Variants in GSTO2 observed in about 807,000 individuals in gnomAD.
The protein encoded by GSTO2 is glutathione S-transferase omega-2.
In GSTO2, 23 loss-of-function variants were observed where a neutral mutation model predicts 28.4. The observed-to-expected ratio is 0.81, with a 90% CI of 0.58 to 1.15. The LOEUF (loss-of-function observed/expected upper bound fraction) is 1.15, where lower values mean the gene tolerates loss of function less well. GSTO2 is among the 50% of genes most tolerant of loss of function. The pLI is 0.00. For missense variants in GSTO2, 298 were observed against 297.8 expected, an observed-to-expected ratio of 1.00 and a Z score of 0.00; for synonymous variants, 109 against 111.0, an observed-to-expected ratio of 0.98 and a Z score of 0.11.
rs568908866 is a variant in GSTO2, at chr10:104,279,484, G to A, written c.468+13G>A. On this transcript the variant is annotated intron_variant, in intron 5 of 6. Transcript: ENST00000338595. ...CAACCTGGAAGAGGTACAAAAAGGG[G>A]TCCCTCTCCTGGTCAGCTACAGTGG... The A allele has an allele frequency of 5.0e-6, 8 of 1,591,102 alleles. No individual in the cohort carries two copies. Among genetic ancestry groups the A allele is most frequent in the East Asian group, 2.2e-5 (1 of 44,766 alleles).
chr10:104,275,385 G>C, intron 3 of GSTO2, 51 bp downstream of exon 3: 1 of 1,560,460 alleles, frequency 6.4e-7, no homozygotes, highest in Non-Finnish European at 8.8e-7. Context: ...CCTCACAGGA[G>C]CCCGGGAATG....
At chr10:104,292,823 G>A (rs2012840542) in intron 5 of GSTO2, among the ~76,000 whole-genome samples, 1 of 152,022 alleles carries the variant, frequency 6.6e-6, no homozygotes, top group African/African-American at 2.4e-5. Context: ...AGGATGGATT[G>A]GATATTAACA....
intron 5 of GSTO2, chr10:104,288,375 A>G (rs984863959): frequency 1.3e-5 from 2 of 152,082 alleles, no homozygotes; most frequent in Non-Finnish European, 2.9e-5. Flanking sequence ...CTTAAGCTGG[A>G]CTCTCAGGAA....
rs144256507 is a variant in GSTO2, at chr10:104,300,130, G to A, written c.*846G>A. ...TGGGCCTGGAGACACCGAGGGTCTT[G>A]TGACTGGAAAGAATTCCAAAGCAGG... On this transcript the variant is annotated 3_prime_UTR_variant, in exon 7 of 7. Transcript: ENST00000338595. 1 of 152,354 alleles carries A rather than the reference G, an allele frequency of 6.6e-6. No homozygotes were observed. The highest frequency in any genetic ancestry group is 2.4e-5 in the African/African-American group (1 of 41,566). The allele number at this position is 152,354 out of a possible 1,614,324, so 9.4% of individuals were successfully genotyped here. A position where few individuals can be genotyped will look rare whatever the true frequency, so the allele number is the denominator to read the frequency against.
In GSTO2 at chr10:104,297,659, C is replaced by A; in HGVS notation, c.550C>A (p.Arg184=). 1 of 1,612,796 alleles carries A rather than the reference C, an allele frequency of 6.2e-7. No homozygotes were observed. ...TTACCTCCTCTGGCCCTGGTTTGAG[C>A]GGCTGGATGTGTATGGGATACTGGA... ...IDYLLWPWFE[R]LDVYGILDCV... Residue 184 remains arginine (R), a synonymous_variant, in exon 6 of 7, where the codon CGG becomes AGG. Transcript: ENST00000338595.
At chr10:104,278,180 A>G (rs2011761901) in intron 4 of GSTO2, 64 bp downstream of exon 4, 1 of 1,301,930 alleles carries the variant, frequency 7.7e-7, no homozygotes, top group Non-Finnish European at 1.1e-6. Flanking sequence ...CCAAACCTCA[A>G]CCCATTTTAA....
intron 5 of GSTO2, among the ~76,000 whole-genome samples, chr10:104,282,861 T>C (rs2012159293): frequency 2.0e-5 from 3 of 152,314 alleles, no homozygotes; most frequent in Middle Eastern, 3.4e-3. Context: ...CGGGCAGAGC[T>C]TAGAAGAACA....
intron 5 of GSTO2, among the ~76,000 whole-genome samples, chr10:104,292,252 C>T (rs1488008952): frequency 6.6e-6 from 1 of 150,418 alleles, no homozygotes; most frequent in Non-Finnish European, 1.5e-5. Flanking sequence ...TGTTTGTTGC[C>T]CAGGCTGGAG....
Position 104,275,153 on chromosome 10 carries a change from A to G in GSTO2, c.35-73A>G. 4.5e-6 allele frequency: 7 copies of G among 1,541,462 alleles called. No individual in the cohort carries two copies. In the Middle Eastern group the frequency reaches 1.1e-3, roughly 239 times the overall value. ...CCACAGCCATCTTGGGATCTGGGCA[A>G]GTGAGCGAGCTCCTTCCTCACCGGG... is the stretch of plus-strand genomic sequence containing the variant. On this transcript the variant is annotated intron_variant, in intron 2 of 6. Transcript: ENST00000338595.
rs1440992218 is a variant in GSTO2, at chr10:104,303,978, ATGT to A, written c.*4696_*4698del. The A allele has an allele frequency of 6.6e-6, 1 of 152,258 alleles. No homozygotes were observed. Among genetic ancestry groups the A allele is most frequent in the African/African-American group, 2.4e-5 (1 of 41,550 alleles). 9.4% of individuals were successfully genotyped at this position (152,258 alleles called of 1,614,324 possible). On this transcript the variant is annotated 3_prime_UTR_variant, in exon 7 of 7. Coordinates refer to ENST00000338595, the MANE Select transcript of GSTO2 (RefSeq NM_183239.2). The stretch of plus-strand genomic sequence containing the variant: ...TTCTCACCTTCAGGTCTCCTTACCC[ATGT>A]TTCCTTTGTCAGAGTCATTGGCCTT...
At position 104,297,600 on chromosome 10, in the gene GSTO2, C is replaced by T; in HGVS notation, c.491C>T (p.Thr164Ile). 6.2e-7 allele frequency: 1 copy of T among 1,613,164 alleles called. No individual in the cohort carries two copies. The highest frequency in any genetic ancestry group is 8.5e-7 in the Non-Finnish European group (1 of 1,179,286). ...LEEILEYQNT[T>I]FFGGTCISMI... ...TAGATTCTTGAGTATCAGAACACCACCTTCTTTGGTGGAACCTGTATATCC... is the reference window on the plus strand; with the variant it reads ...TAGATTCTTGAGTATCAGAACACCATCTTCTTTGGTGGAACCTGTATATCC... Residue 164 changes from threonine (T) to isoleucine (I), a missense_variant, in exon 6 of 7, where the codon ACC (threonine) becomes ATC (isoleucine). Transcript: ENST00000338595.
At position 104,299,700 on chromosome 10, in the gene GSTO2, TCTC is replaced by T. The variant is rs2013203601; in HGVS notation, c.*419_*421del. The T allele has an allele frequency of 5.4e-6, 1 of 184,446 alleles. No individual in the cohort carries two copies. Among genetic ancestry groups the T allele is most frequent in the Non-Finnish European group, 1.1e-5 (1 of 89,194 alleles). 11.4% of individuals were successfully genotyped at this position (184,446 alleles called of 1,614,324 possible). ...ACTATGTTGCTCAGGCTGGTCTCCA[TCTC>T]CTGGCCGCAAGCCATCCACCCAACT... On this transcript the variant is annotated 3_prime_UTR_variant, in exon 7 of 7. Transcript: ENST00000338595.
chr10:104,288,416 C>T (rs964903625), intron 5 of GSTO2: 1 of 152,186 alleles, frequency 6.6e-6, no homozygotes, highest in African/African-American at 2.4e-5. Flanking sequence ...GTATAATGAG[C>T]ACATTGGAGG....
At position 104,300,913 on chromosome 10, in the gene GSTO2, A is replaced by G. The variant is rs1424728789; in HGVS notation, c.*1629A>G. On this transcript the variant is annotated 3_prime_UTR_variant, in exon 7 of 7. Coordinates refer to ENST00000338595, the MANE Select transcript of GSTO2 (RefSeq NM_183239.2). ...TCTGGGTATATTTTGACCCATGTAAATAGTTACCAGGTGTTACTCTGTGCC... is the reference window on the plus strand; with the variant it reads ...TCTGGGTATATTTTGACCCATGTAAGTAGTTACCAGGTGTTACTCTGTGCC... The G allele has an allele frequency of 6.6e-6, 1 of 152,238 alleles. No individual in the cohort carries two copies. Among genetic ancestry groups the G allele is most frequent in the African/African-American group, 2.4e-5 (1 of 41,432 alleles). The allele number at this position is 152,238 out of a possible 1,614,324, so 9.4% of individuals were successfully genotyped here.
chr10:104,292,536 C>G (rs2012824920), intron 5 of GSTO2, among the ~76,000 whole-genome samples: 1 of 151,704 alleles, frequency 6.6e-6, no homozygotes, highest in African/African-American at 2.4e-5. Context: ...GATCACTGCT[C>G]ACTTCAGCCT....
intron 1 of GSTO2, among the ~76,000 whole-genome samples, chr10:104,272,157 C>T (rs12784102): frequency 0.029 from 4,439 of 152,106 alleles, 97 homozygotes; most frequent in South Asian, 0.11. Context: ...TGTGCATGTG[C>T]GGGGGCACAG....
rs157077 is a variant in GSTO2, at chr10:104,278,136, T to C, written c.366+20T>C. ...TGTAAGGTATATTCAATTTAAAAAG[T>C]CACTCACACTGTATTTTACTTTGCA... On this transcript the variant is annotated intron_variant, in intron 4 of 6. Transcript: ENST00000338595. 724,802 of 1,581,530 alleles carry C rather than the reference T, an allele frequency of 0.46. 171,336 individuals carry two copies. The highest frequency in any genetic ancestry group is 0.77 in the African/African-American group (57,227 of 74,422).
intron 5 of GSTO2, among the ~76,000 whole-genome samples, chr10:104,293,218 C>T (rs1041217954): frequency 4.6e-5 from 7 of 152,096 alleles, no homozygotes; most frequent in African/African-American, 9.7e-5. Context: ...AGCTCAGAGC[C>T]GAACCAATCC....
Position 104,299,456 on chromosome 10 carries a change from T to C in GSTO2, c.*172T>C. On this transcript the variant is annotated 3_prime_UTR_variant, in exon 7 of 7. Coordinates refer to ENST00000338595, the MANE Select transcript of GSTO2 (RefSeq NM_183239.2). ...TCATTTGTCTGACTCCTCTAGCCTG[T>C]AGCTGCTGCTACTGCTGCTTTTTTT... is the stretch of plus-strand genomic sequence containing the variant. The C allele has an allele frequency of 1.4e-6, 1 of 711,486 alleles. No homozygotes were observed. Among genetic ancestry groups the C allele is most frequent in the Non-Finnish European group, 2.3e-6 (1 of 444,118 alleles). 44.1% of individuals were successfully genotyped at this position (711,486 alleles called of 1,614,324 possible).
Sources: gnomAD v4.1 joint callset for allele counts (sites outside exome capture counted in the v4.1 genomes callset) on GRCh38, gnomAD v4.1.1 for gene constraint, MANE v1.5 for transcripts, NCBI Gene and HGNC (gene_info 2026-07-23, HGNC 2026-07-21) for gene names.